Variants in FLNB observed in about 807,000 individuals in gnomAD.
FLNB encodes filamin-B.
A neutral mutation model predicts 250.6 loss-of-function variants in FLNB; 111 were observed. That is an observed-to-expected ratio of 0.44 (90% CI 0.38 to 0.52). FLNB has a LOEUF of 0.52. Ranked by LOEUF, FLNB falls within the 20% of genes least tolerant of loss-of-function variation. FLNB has a pLI of 0.00. For synonymous variants in FLNB, 1,302 were observed against 1,372.1 expected, an observed-to-expected ratio of 0.95 and a Z score of 1.13; for missense variants, 2,869 against 3,447.8, an observed-to-expected ratio of 0.83 and a Z score of 4.20.
At chr3:58,053,206 G>T (rs1471351833) in intron 1 of FLNB, among the ~76,000 whole-genome samples, 1 of 152,122 alleles carries the variant, frequency 6.6e-6, no homozygotes, top group Non-Finnish European at 1.5e-5. Context: ...GTGATAAACA[G>T]GTTTTTAGGT....
intron 1 of FLNB, among the ~76,000 whole-genome samples, chr3:58,024,097 CCAATAGCCCTGAGGACA>C (rs1472862179): frequency 6.6e-6 from 1 of 152,110 alleles, no homozygotes; most frequent in Non-Finnish European, 1.5e-5. Context: ...GCACCATTTC[CCAATAGCCCTGAGGACA>C]CCAGGCCCAT....
At chr3:58,083,367 CTTT>C (rs71091341) in intron 4 of FLNB, among the ~76,000 whole-genome samples, 6 of 91,498 alleles carry the variant, frequency 6.6e-5, no homozygotes, top group Non-Finnish European at 6.4e-5. Flanking sequence ...TCAGCTTAGT[CTTT>C]TTTTTTTTTT....
intron 1 of FLNB, among the ~76,000 whole-genome samples, chr3:58,021,064 C>G (rs997724854): frequency 6.6e-6 from 1 of 152,194 alleles, no homozygotes; most frequent in Non-Finnish European, 1.5e-5. Context: ...GCTTGTACCA[C>G]ACTTCTTGTG....
intron 1 of FLNB, among the ~76,000 whole-genome samples, chr3:58,020,258 C>T (rs1401553085): frequency 2.0e-5 from 3 of 152,156 alleles, no homozygotes; most frequent in African/African-American, 7.2e-5. Context: ...TGCTGGTGAG[C>T]CCAGCAACTG....
intron 1 of FLNB, among the ~76,000 whole-genome samples, chr3:58,018,752 A>C (rs1244758483): frequency 1.3e-5 from 2 of 151,994 alleles, no homozygotes; most frequent in Non-Finnish European, 2.9e-5. Flanking sequence ...TCCCAACCTC[A>C]GGTAATCCGC....
intron 41 of FLNB, among the ~76,000 whole-genome samples, chr3:58,157,961 T>C (rs2097355815): frequency 6.6e-6 from 1 of 152,192 alleles, no homozygotes; most frequent in East Asian, 1.9e-4. Flanking sequence ...CCCGGGTCAT[T>C]TGATGCCGAG....
rs1240356722 is a variant in FLNB at position 58,154,939 on chromosome 3, A to G, written c.6772+11A>G. Reference sequence around the variant, plus strand: ...TTGCCCAAGAGCCTGGTATGTATTCAGGGTTCACAAGAGGACATTTTCCTT... The same window carrying G: ...TTGCCCAAGAGCCTGGTATGTATTCGGGGTTCACAAGAGGACATTTTCCTT... On this transcript the variant is annotated intron_variant, in intron 40 of 45. Coordinates refer to ENST00000295956, the MANE Select transcript of FLNB (RefSeq NM_001457.4). 1 of 1,613,112 alleles carries G rather than the reference A, an allele frequency of 6.2e-7. No individual in the cohort carries two copies. Among genetic ancestry groups the G allele is most frequent in the African/African-American group, 1.3e-5 (1 of 74,914 alleles).
chr3:58,132,790 TC>T lies in FLNB; in HGVS notation c.4391-17del. The T allele has an allele frequency of 6.2e-7, 1 of 1,614,050 alleles. No homozygotes were observed. The highest frequency in any genetic ancestry group is 2.2e-5 in the East Asian group (1 of 44,868). On this transcript the variant is annotated splice_polypyrimidine_tract_variant and intron_variant, in intron 25 of 45. Coordinates refer to ENST00000295956, the MANE Select transcript of FLNB (RefSeq NM_001457.4). ...GTGAGGCCAGGCAGCTCCTTAAACC[TC>T]TCATCTCTGTCCTCAGGCTTGGTGG... is the stretch of plus-strand genomic sequence containing the variant.
chr3:58,120,046 A>C (rs1428407074), intron 19 of FLNB, among the ~76,000 whole-genome samples: 3 of 152,216 alleles, frequency 2.0e-5, no homozygotes, highest in African/African-American at 7.2e-5. Flanking sequence ...GGCTGAGTGC[A>C]TACCCCCAGG....
chr3:58,076,814 A>G (rs901416506), intron 1 of FLNB, among the ~76,000 whole-genome samples: 1 of 152,184 alleles, frequency 6.6e-6, no homozygotes, highest in African/African-American at 2.4e-5. Flanking sequence ...GGTGTCTTAC[A>G]TGCTCATGAA....
At position 58,146,865 on chromosome 3, in the gene FLNB, G is replaced by T; in HGVS notation, c.5600G>T (p.Ser1867Ile). 6.2e-7 allele frequency: 1 copy of T among 1,614,214 alleles called. No individual in the cohort carries two copies. The highest frequency in any genetic ancestry group is 8.5e-7 in the Non-Finnish European group (1 of 1,180,044). ...GAGGGCCCCTCAAAAGCAGAAATCAGCTGCATTGACAATAAAGATGGGACA... is the reference window on the plus strand; with the variant it reads ...GAGGGCCCCTCAAAAGCAGAAATCATCTGCATTGACAATAAAGATGGGACA... ...AIEGPSKAEI[S>I]CIDNKDGTCT... The change falls in exon 34 of 46, where the codon AGC becomes ATC. Residue 1867 changes from serine to isoleucine, a missense_variant. This residue lies in a region of FLNB where 1,084 missense variants were observed against 1,315.5 expected (regional missense o/e 0.82). Coordinates refer to ENST00000295956, the MANE Select transcript of FLNB (RefSeq NM_001457.4).
intron 1 of FLNB, among the ~76,000 whole-genome samples, chr3:58,045,622 G>A (rs2097152690): frequency 6.6e-6 from 1 of 152,102 alleles, no homozygotes; most frequent in African/African-American, 2.4e-5. Context: ...CCTGAAACTT[G>A]ATCTTGGATG....
chr3:58,133,184 A>G (rs2097310498), intron 26 of FLNB, among the ~76,000 whole-genome samples: 1 of 152,170 alleles, frequency 6.6e-6, no homozygotes, highest in Admixed American at 6.5e-5. Context: ...GGCAGCAAGT[A>G]TTACATAGAA....
In FLNB at chr3:58,104,198, CT is replaced by C. The variant is rs34703970; in HGVS notation, c.1610+130del. 0.33 allele frequency: 215,673 copies of C among 655,074 alleles called. 5,166 individuals are homozygous for C. Among genetic ancestry groups the C allele is most frequent in the Middle Eastern group, 0.38 (820 of 2,154 alleles). The allele number at this position is 655,074 out of a possible 1,614,324, so 40.6% of individuals were successfully genotyped here. ...GGAAAGAGATCTGCTTTGTTGAAAACTTTTTTTTTTTTTTTTTCGGAGCAGC... is the reference window on the plus strand; with the variant it reads ...GGAAAGAGATCTGCTTTGTTGAAAACTTTTTTTTTTTTTTTTCGGAGCAGC... On this transcript the variant is annotated intron_variant, in intron 10 of 45. Coordinates refer to ENST00000295956, the MANE Select transcript of FLNB (RefSeq NM_001457.4).
chr3:58,035,230 G>A (rs2097136402), intron 1 of FLNB, among the ~76,000 whole-genome samples: 1 of 152,190 alleles, frequency 6.6e-6, no homozygotes, highest in African/African-American at 2.4e-5. Context: ...CTCACAGGCA[G>A]ATCAAACAGG....
chr3:58,013,887 C>T (rs1182441109), intron 1 of FLNB, among the ~76,000 whole-genome samples: 1 of 152,126 alleles, frequency 6.6e-6, no homozygotes, highest in African/African-American at 2.4e-5. Context: ...GGGCCATGTA[C>T]AAGGTGGCAC....
chr3:58,089,404 G>A (rs747171774), intron 4 of FLNB, among the ~76,000 whole-genome samples: 18 of 151,912 alleles, frequency 1.2e-4, no homozygotes, highest in Non-Finnish European at 2.4e-4. Context: ...AAATTAGCCA[G>A]GTGAGGTGGT....
chr3:58,149,850 G>T lies in FLNB; in HGVS notation c.6092G>T (p.Gly2031Val), dbSNP rs1337497539. The change falls in exon 37 of 46, where the codon GGT becomes GTT. Residue 2031 changes from glycine (G) to valine (V), a missense_variant and splice_region_variant. Gly to Val is a moderately radical substitution (Grantham distance 109). This residue lies in a region of FLNB where 1,084 missense variants were observed against 1,315.5 expected (regional missense o/e 0.82). Coordinates refer to ENST00000295956, the MANE Select transcript of FLNB (RefSeq NM_001457.4). The part of the protein sequence containing the change: ...SDFIVDTRDA[G>V]YGGISLAVEG... Reference sequence around the variant, plus strand: ...ACAGCCTGGGGCTGCTGTGTTGCAGGTTATGGTGGCATATCCTTGGCGGTG... The same window carrying T: ...ACAGCCTGGGGCTGCTGTGTTGCAGTTTATGGTGGCATATCCTTGGCGGTG... 6.2e-7 allele frequency: 1 copy of T among 1,614,116 alleles called. No individual in the cohort carries two copies. Among genetic ancestry groups the T allele is most frequent in the Non-Finnish European group, 8.5e-7 (1 of 1,180,046 alleles).
Position 58,132,866 on chromosome 3 carries a change from C to T in FLNB, c.4449C>T (p.Tyr1483=), listed in dbSNP as rs118012972. ...DNGDGTHTVT[Y]TPSQEGPYMV... The stretch of plus-strand genomic sequence containing the variant: ...GAGATGGCACACACACAGTAACCTA[C>T]ACCCCATCTCAGGAGGGACCTTACA... Residue 1483 remains tyrosine (Y), a synonymous_variant, in exon 26 of 46, where the codon TAC becomes TAT. Coordinates refer to ENST00000295956, the MANE Select transcript of FLNB (RefSeq NM_001457.4). The T allele has an allele frequency of 2.5e-5, 40 of 1,614,028 alleles. No individual in the cohort carries two copies. Among genetic ancestry groups the T allele is most frequent in the East Asian group, 2.0e-4 (9 of 44,882 alleles).
Sources: allele counts gnomAD v4.1 joint callset (sites outside exome capture counted in the v4.1 genomes callset), GRCh38; gene constraint gnomAD v4.1.1; regional missense constraint gnomAD v4.1.1; transcripts MANE v1.5; gene names NCBI Gene and HGNC (gene_info 2026-07-23, HGNC 2026-07-21).